Variants in FAP observed in about 807,000 individuals in gnomAD.
FAP encodes prolyl endopeptidase FAP.
A neutral mutation model predicts 126.5 loss-of-function variants in FAP; 110 were observed. The ratio of observed to expected loss-of-function variants is 0.87; its 90% confidence interval spans 0.74 to 1.02. The LOEUF (loss-of-function observed/expected upper bound fraction) is 1.02. Ranked by LOEUF, FAP falls within the 50% of genes least tolerant of loss-of-function variation. The pLI, the probability that FAP is intolerant of heterozygous loss-of-function variation, is 0.00. For missense variants in FAP, 919 were observed against 909.2 expected (o/e 1.01, Z -0.14); for synonymous variants, 334 against 297.3 (o/e 1.12, Z -1.27).
intron 16 of FAP, chr2:162,198,034 G>T: frequency 1.7e-6 from 1 of 591,332 alleles, no homozygotes; most frequent in Non-Finnish European, 2.5e-6. Flanking sequence ...TTTGCCACAT[G>T]CTCAAGATAT....
chr2:162,198,200 G>T (rs1478399248), intron 16 of FAP: 1 of 1,289,484 alleles, frequency 7.8e-7, no homozygotes, highest in South Asian at 1.2e-5. Flanking sequence ...AATTTAGAAA[G>T]GACAAAGGTT....
intron 2 of FAP, among the ~76,000 whole-genome samples, chr2:162,234,440 C>G (rs1454671197): frequency 6.6e-6 from 1 of 151,918 alleles, no homozygotes; most frequent in Non-Finnish European, 1.5e-5. Flanking sequence ...ATCCTGCAAC[C>G]CTACTGAACT....
In FAP at chr2:162,188,195, T is replaced by C; in HGVS notation, c.1788A>G (p.Glu596=). The C allele has an allele frequency of 6.2e-7, 1 of 1,613,074 alleles. No individual in the cohort carries two copies. The highest frequency in any genetic ancestry group is 8.5e-7 in the Non-Finnish European group (1 of 1,179,284). The part of the protein sequence containing the change: ...YAVYRKLGVY[E]VEDQITAVRK... ...TGACAGCTGTAATCTGGTCTTCAAC[T>C]TCATAAACACCCAGCTTTCGATACA... The change falls in exon 20 of 26, where the codon GAA becomes GAG. Residue 596 remains glutamate (E), a synonymous_variant. Coordinates refer to ENST00000188790, the MANE Select transcript of FAP (RefSeq NM_004460.5).
chr2:162,199,439 C>T (rs992536942), intron 15 of FAP, among the ~76,000 whole-genome samples: 11 of 152,194 alleles, frequency 7.2e-5, no homozygotes, highest in African/African-American at 2.7e-4. Flanking sequence ...GGAATGCCCC[C>T]TCCACACAGT....
intron 2 of FAP, 148 bp downstream of exon 2, chr2:162,242,760 A>T (rs1320756074): frequency 1.6e-6 from 1 of 628,398 alleles, no homozygotes; most frequent in East Asian, 2.8e-5. Flanking sequence ...GCACAACAAC[A>T]TATCTGTGAG....
intron 15 of FAP, among the ~76,000 whole-genome samples, 200 bp downstream of exon 15, chr2:162,200,366 T>C (rs953398690): frequency 2.6e-5 from 4 of 152,214 alleles, no homozygotes; most frequent in Non-Finnish European, 5.9e-5. Flanking sequence ...TTTTTCCTTT[T>C]GAAAACAAAT....
Position 162,203,035 on chromosome 2 carries a change from A to T in FAP, c.1152+6T>A, listed in dbSNP as rs1429839161. Reference sequence around the variant, plus strand: ...TTTGAGGAGATAAATCTTGGAAGGAACGTACCACAGTGTCTTTGATATAGT... The same window carrying T: ...TTTGAGGAGATAAATCTTGGAAGGATCGTACCACAGTGTCTTTGATATAGT... On this transcript the variant is annotated splice_donor_region_variant and intron_variant, in intron 13 of 25. Transcript: ENST00000188790. 3 of 1,607,998 alleles carry T rather than the reference A, an allele frequency of 1.9e-6. No homozygotes were observed. Among genetic ancestry groups the T allele is most frequent in the Non-Finnish European group, 2.6e-6 (3 of 1,174,642 alleles).
At chr2:162,181,180 G>A (rs1397948889) in intron 21 of FAP, among the ~76,000 whole-genome samples, 8 of 152,008 alleles carry the variant, frequency 5.3e-5, no homozygotes, top group African/African-American at 1.9e-4. Flanking sequence ...AGGAGGCTGA[G>A]GCGGGAGAAT....
chr2:162,193,773 G>GT lies in FAP; in HGVS notation c.1450+927dup, dbSNP rs199609025. 268 of 150,770 alleles carry GT rather than the reference G, an allele frequency of 1.8e-3. 2 individuals are homozygous for GT. The highest frequency in any genetic ancestry group is 2.4e-3 in the Non-Finnish European group (165 of 67,588). The allele number at this position is 150,770 out of a possible 1,614,324, so 9.3% of individuals were successfully genotyped here. ...GAGTTCCCAAATTGATTCTGTTTTT[G>GT]TTTTTTTTTCTTGTTATTTTCACCT... On this transcript the variant is annotated intron_variant, in intron 17 of 25. Coordinates refer to ENST00000188790, the MANE Select transcript of FAP (RefSeq NM_004460.5).
At chr2:162,212,009 T>A (rs1034199376) in intron 11 of FAP, among the ~76,000 whole-genome samples, 3 of 152,200 alleles carry the variant, frequency 2.0e-5, no homozygotes, top group Admixed American at 6.5e-5. Context: ...TTTATCAAAC[T>A]ATTTTGAAAC....
At chr2:162,209,225 C>T (rs1688830835) in intron 12 of FAP, among the ~76,000 whole-genome samples, 1 of 152,112 alleles carries the variant, frequency 6.6e-6, no homozygotes, top group African/African-American at 2.4e-5. Flanking sequence ...GAGAAGTAGC[C>T]TTTCCTCTTC....
intron 24 of FAP, 100 bp from the exon 25 acceptor site, chr2:162,172,984 T>A: frequency 8.9e-7 from 1 of 1,126,310 alleles, no homozygotes; most frequent in Admixed American, 1.7e-5. Context: ...TATCTAGTCA[T>A]GCATTTGACA....
intron 11 of FAP, among the ~76,000 whole-genome samples, chr2:162,212,471 A>G (rs1688979296): frequency 1.3e-5 from 2 of 152,206 alleles, no homozygotes. Flanking sequence ...ATCAAAATAT[A>G]TATAAGATAA....
In FAP at chr2:162,198,869, T is replaced by C; in HGVS notation, c.1290A>G (p.Gly430=). The change falls in exon 16 of 26, where the codon GGA becomes GGG. Residue 430 remains glycine, a synonymous_variant. Coordinates refer to ENST00000188790, the MANE Select transcript of FAP (RefSeq NM_004460.5). The part of the protein sequence containing the change: ...GRRNIYRISI[G]SYPPSKKCVT... ...CACACTTCTTGCTTGGAGGATAGCT[T>C]CCAATGCTAATTCTAGAGGGAAATG... The C allele has an allele frequency of 1.9e-6, 3 of 1,613,768 alleles. No homozygotes were observed. The highest frequency in any genetic ancestry group is 2.5e-6 in the Non-Finnish European group (3 of 1,179,718).
intron 17 of FAP, among the ~76,000 whole-genome samples, chr2:162,191,848 C>T (rs1199965270): frequency 1.3e-5 from 2 of 152,134 alleles, no homozygotes; most frequent in Non-Finnish European, 2.9e-5. Flanking sequence ...GTACTACCTG[C>T]TGTTTTCAAA....
chr2:162,204,878 G>C (rs1034952595), intron 12 of FAP, among the ~76,000 whole-genome samples: 3 of 152,134 alleles, frequency 2.0e-5, no homozygotes, highest in Non-Finnish European at 4.4e-5. Flanking sequence ...TCTATAATTT[G>C]AGTTCCTATA....
At chr2:162,210,839 G>A (rs186094278) in intron 11 of FAP, among the ~76,000 whole-genome samples, 152 of 152,246 alleles carry the variant, frequency 1.0e-3, no homozygotes, top group African/African-American at 3.3e-3. Flanking sequence ...CAAGCTCATG[G>A]CAGTGAGAAT....
chr2:162,173,729 G>T lies in FAP; in HGVS notation c.2028C>A (p.His676Gln). 1 of 1,593,246 alleles carries T rather than the reference G, an allele frequency of 6.3e-7. No homozygotes were observed. The highest frequency in any genetic ancestry group is 1.1e-5 in the South Asian group (1 of 90,544). Reference sequence around the variant, plus strand: ...ATAAAATGGAAACACTTACCTTATAGTGCTCAAGATTATCATCCTTTGTTG... The same window carrying T: ...ATAAAATGGAAACACTTACCTTATATTGCTCAAGATTATCATCCTTTGTTG... Reference protein sequence around the residue: ...GLPTKDDNLEHYKNSTVMARA... With the variant: ...GLPTKDDNLEQYKNSTVMARA... Residue 676 changes from histidine (H) to glutamine (Q), a missense_variant, in exon 23 of 26, where the codon CAC becomes CAA. Transcript: ENST00000188790.
Position 162,203,088 on chromosome 2 carries a change from T to C in FAP, c.1105A>G (p.Ser369Gly), listed in dbSNP as rs768170529. 6.2e-7 allele frequency: 1 copy of C among 1,613,784 alleles called. No individual in the cohort carries two copies. Among genetic ancestry groups the C allele is most frequent in the Non-Finnish European group, 8.5e-7 (1 of 1,179,784 alleles). The change falls in exon 13 of 26, where the codon AGT becomes GGT. Residue 369 changes from serine (S) to glycine (G), a missense_variant. Coordinates refer to ENST00000188790, the MANE Select transcript of FAP (RefSeq NM_004460.5). ...ATATGTTTGTAGCCATCCTTGTCACTAAATATTTTGTAGTACGAAATGGCA... is the reference window on the plus strand; with the variant it reads ...ATATGTTTGTAGCCATCCTTGTCACCAAATATTTTGTAGTACGAAATGGCA... ...YDAISYYKIF[S>G]DKDGYKHIHY...
Sources: gnomAD v4.1 joint callset for allele counts (sites outside exome capture counted in the v4.1 genomes callset) on GRCh38, gnomAD v4.1.1 for gene constraint, MANE v1.5 for transcripts, NCBI Gene and HGNC (gene_info 2026-07-23, HGNC 2026-07-21) for gene names.